Variants in ESR2 observed in about 807,000 individuals in gnomAD.
The protein encoded by ESR2 is estrogen receptor beta.
A neutral mutation model predicts 49.6 loss-of-function variants in ESR2; 36 were observed. That is an observed-to-expected ratio of 0.73 (90% CI 0.56 to 0.96). The LOEUF is 0.96. ESR2 is among the 40% of genes least tolerant of loss of function. The pLI is 0.00. For synonymous variants in ESR2, 320 were observed against 266.1 expected (o/e 1.20, Z -1.97); for missense variants, 714 against 693.0 (o/e 1.03, Z -0.34).
In ESR2 at chr14:64,233,330, G is replaced by T; in HGVS notation, c.1407-7C>A. The T allele has an allele frequency of 1.9e-6, 3 of 1,602,986 alleles. No homozygotes were observed. The highest frequency in any genetic ancestry group is 1.1e-5 in the South Asian group (1 of 90,748). Reference sequence around the variant, plus strand: ...ATGTTCCATGCCCTTGTTACTATGGGGACAAAAAGGTGCTGAGATTCCCTC... The same window carrying T: ...ATGTTCCATGCCCTTGTTACTATGGTGACAAAAAGGTGCTGAGATTCCCTC... On this transcript the variant is annotated splice_polypyrimidine_tract_variant and splice_region_variant and intron_variant, in intron 8 of 8. Coordinates refer to ENST00000341099, the MANE Select transcript of ESR2 (RefSeq NM_001437.3).
chr14:64,322,409 C>T (rs1596493211), intron 1 of ESR2, among the ~76,000 whole-genome samples: 1 of 151,388 alleles, frequency 6.6e-6, no homozygotes, highest in Non-Finnish European at 1.5e-5. Flanking sequence ...AGTGCAATGA[C>T]TCACACCTGT....
At chr14:64,290,393 CTTATTTATTTAT>C (rs35006597) in intron 1 of ESR2, among the ~76,000 whole-genome samples, 5 of 150,678 alleles carry the variant, frequency 3.3e-5, no homozygotes, top group African/African-American at 9.8e-5. Context: ...TAAATGTATT[CTTATTTATTTAT>C]TTATTTATTT....
chr14:64,237,832 A>G (rs190265556), intron 7 of ESR2, among the ~76,000 whole-genome samples: 3 of 152,312 alleles, frequency 2.0e-5, no homozygotes, highest in African/African-American at 7.2e-5. Context: ...AGGCAAATCC[A>G]TAGAGTCAGA....
intron 1 of ESR2, among the ~76,000 whole-genome samples, chr14:64,308,631 A>C (rs901694973): frequency 3.9e-5 from 6 of 152,170 alleles, no homozygotes; most frequent in African/African-American, 1.4e-4. Context: ...ACTTTTAAAA[A>C]TGTGTATTCT....
At chr14:64,274,998 T>A (rs1047928514) in intron 3 of ESR2, among the ~76,000 whole-genome samples, 1 of 152,240 alleles carries the variant, frequency 6.6e-6, no homozygotes, top group Non-Finnish European at 1.5e-5. Flanking sequence ...GTTTTAACAC[T>A]TGTCTTGTGG....
chr14:64,237,689 G>C (rs1596369133), intron 7 of ESR2, among the ~76,000 whole-genome samples: 3 of 152,204 alleles, frequency 2.0e-5, no homozygotes, highest in Non-Finnish European at 2.9e-5. Context: ...CCATACAGTG[G>C]AATAGTATTC....
At chr14:64,292,805 A>G (rs1364172027) in intron 1 of ESR2, among the ~76,000 whole-genome samples, 1 of 152,106 alleles carries the variant, frequency 6.6e-6, no homozygotes, top group Non-Finnish European at 1.5e-5. Context: ...AGTTGAATTT[A>G]CTACTAAATT....
chr14:64,325,372 A>G (rs984302905), intron 1 of ESR2, among the ~76,000 whole-genome samples: 1 of 152,158 alleles, frequency 6.6e-6, no homozygotes, highest in Non-Finnish European at 1.5e-5. Flanking sequence ...TTTGCATTAG[A>G]AAGAAGGTAG....
chr14:64,237,686 G>C (rs2075634070), intron 7 of ESR2, among the ~76,000 whole-genome samples: 1 of 152,222 alleles, frequency 6.6e-6, no homozygotes, highest in Non-Finnish European at 1.5e-5. Context: ...TATCCATACA[G>C]TGGAATAGTA....
chr14:64,262,482 CAG>C (rs1441996004), intron 4 of ESR2, among the ~76,000 whole-genome samples: 5 of 152,104 alleles, frequency 3.3e-5, no homozygotes, highest in African/African-American at 9.7e-5. Flanking sequence ...CATGCAAAAT[CAG>C]AGAGGAATGA....
chr14:64,277,351 T>C (rs1045886081), intron 3 of ESR2, among the ~76,000 whole-genome samples: 3 of 151,964 alleles, frequency 2.0e-5, no homozygotes, highest in South Asian at 4.2e-4. Context: ...ATGGGCCAGG[T>C]GCGGTGGCTC....
At chr14:64,270,851 AAC>A (rs2076431878) in intron 3 of ESR2, among the ~76,000 whole-genome samples, 1 of 152,040 alleles carries the variant, frequency 6.6e-6, no homozygotes, top group Admixed American at 6.6e-5. Context: ...CCAATATTGA[AAC>A]AGTCTTCACA....
At chr14:64,269,292 T>C (rs2076392199) in intron 3 of ESR2, among the ~76,000 whole-genome samples, 1 of 152,254 alleles carries the variant, frequency 6.6e-6, no homozygotes, top group African/African-American at 2.4e-5. Flanking sequence ...CTTTTACATA[T>C]ATCCCTCTTT....
At chr14:64,266,619 A>G (rs1173199508) in intron 4 of ESR2, among the ~76,000 whole-genome samples, 2 of 152,258 alleles carry the variant, frequency 1.3e-5, no homozygotes, top group Non-Finnish European at 2.9e-5. Flanking sequence ...ATCTTTTGTC[A>G]GAGTGCCAAG....
At chr14:64,288,479 C>G (rs1204172692) in intron 1 of ESR2, among the ~76,000 whole-genome samples, 1 of 151,632 alleles carries the variant, frequency 6.6e-6, no homozygotes, top group African/African-American at 2.4e-5. Context: ...TCTCAAGTAG[C>G]TGGGACTACA....
chr14:64,276,958 G>A (rs555681933), intron 3 of ESR2, among the ~76,000 whole-genome samples: 2 of 152,124 alleles, frequency 1.3e-5, no homozygotes, highest in Admixed American at 1.3e-4. Context: ...CTATTGTCTT[G>A]TTCACCACTG....
chr14:64,311,429 C>T lies in ESR2; in HGVS notation c.-91+26469G>A, dbSNP rs539731790. 6.6e-4 allele frequency among the ~76,000 whole-genome samples: 101 copies of T among 152,080 alleles called. 1 individual carries two copies. The Middle Eastern group carries it at 0.014, about 20-fold the overall frequency. ...CTGAGGCAGGCGGATCACTAGAGGT[C>T]AGGAGTTTGAGACCAGCCTGGCCAA... On this transcript the variant is annotated intron_variant, in intron 1 of 8. Coordinates refer to the ESR2 transcript ENST00000358599.
At chr14:64,315,061 T>C (rs1279938945) in intron 1 of ESR2, among the ~76,000 whole-genome samples, 5 of 149,930 alleles carry the variant, frequency 3.3e-5, no homozygotes, top group Non-Finnish European at 7.4e-5. Flanking sequence ...CCTGGCAACA[T>C]AGTGAAACCC....
At chr14:64,236,895 C>T (rs1288257644) in intron 7 of ESR2, among the ~76,000 whole-genome samples, 1 of 151,994 alleles carries the variant, frequency 6.6e-6, no homozygotes, top group Non-Finnish European at 1.5e-5. Context: ...TCCCCACACA[C>T]ACCCCACAGC....
Sources: allele counts gnomAD v4.1 joint callset (sites outside exome capture counted in the v4.1 genomes callset), GRCh38; gene constraint gnomAD v4.1.1; transcripts MANE v1.5; gene names NCBI Gene and HGNC (gene_info 2026-07-23, HGNC 2026-07-21).